SPOCK3: variants seen among roughly 807,000 people sequenced by gnomAD.
SPOCK3 encodes testican-3.
SPOCK3 carries 30 observed loss-of-function variants against 56.6 expected under a neutral mutation model. The observed-to-expected ratio is 0.53, with a 90% confidence interval of 0.40 to 0.72. The LOEUF (loss-of-function observed/expected upper bound fraction) is 0.72. Among genes scored for constraint, SPOCK3 ranks in the 30% least tolerant of loss-of-function variants. The pLI is 0.00. For missense variants in SPOCK3, 527 were observed against 530.0 expected, an observed-to-expected ratio of 0.99 and a Z score of 0.06; for synonymous variants, 196 against 183.3, an observed-to-expected ratio of 1.07 and a Z score of -0.56.
At chr4:167,046,849 G>T (rs1359890935) in intron 3 of SPOCK3, among the ~76,000 whole-genome samples, 1 of 152,108 alleles carries the variant, frequency 6.6e-6, no homozygotes, top group Admixed American at 6.6e-5. Flanking sequence ...TAAGAGGAAG[G>T]CTGATTATTA....
At chr4:167,143,415 C>T (rs1763689405) in intron 2 of SPOCK3, among the ~76,000 whole-genome samples, 1 of 151,878 alleles carries the variant, frequency 6.6e-6, no homozygotes, top group African/African-American at 2.4e-5. Flanking sequence ...TTTTTTATTA[C>T]AAATTAAATA....
intron 4 of SPOCK3, among the ~76,000 whole-genome samples, chr4:166,946,060 G>A (rs1741705018): frequency 6.6e-6 from 1 of 151,962 alleles, no homozygotes; most frequent in Admixed American, 6.6e-5. Context: ...TTATTTATTG[G>A]TTAGGACCAT....
chr4:167,063,721 A>G (rs1314297447), intron 2 of SPOCK3, among the ~76,000 whole-genome samples: 1 of 151,766 alleles, frequency 6.6e-6, no homozygotes, highest in Non-Finnish European at 1.5e-5. Flanking sequence ...TTCATACTCT[A>G]TGTCAATGTG....
intron 10 of SPOCK3, among the ~76,000 whole-genome samples, chr4:166,735,697 A>G (rs1456929429): frequency 2.0e-5 from 3 of 152,030 alleles, no homozygotes; most frequent in Non-Finnish European, 4.4e-5. Flanking sequence ...GAAAGAGTCC[A>G]TGAACCAAGG....
intron 3 of SPOCK3, among the ~76,000 whole-genome samples, chr4:167,010,821 G>A (rs1222256569): frequency 7.3e-6 from 1 of 137,164 alleles, no homozygotes; most frequent in African/African-American, 3.6e-5. Flanking sequence ...AATTTCCAGT[G>A]GGGGGGAGAT....
intron 4 of SPOCK3, among the ~76,000 whole-genome samples, chr4:166,914,756 C>T (rs868006391): frequency 1.3e-5 from 2 of 151,792 alleles, no homozygotes; most frequent in Admixed American, 1.3e-4. Context: ...AGCGAAACTC[C>T]GTCTCAAAAA....
chr4:167,066,943 A>T (rs1756203796), intron 2 of SPOCK3, among the ~76,000 whole-genome samples: 1 of 151,832 alleles, frequency 6.6e-6, no homozygotes, highest in South Asian at 2.1e-4. Context: ...CGGAAAGGTC[A>T]ACTGTTTGGT....
In SPOCK3 at chr4:166,796,475, G is replaced by A. The variant is rs114903083; in HGVS notation, c.590-4186C>T. Among the ~76,000 whole-genome samples the A allele has an allele frequency of 1.6e-3, 237 of 152,184 alleles. 2 individuals are homozygous for A. Among genetic ancestry groups the A allele is most frequent in the African/African-American group, 5.3e-3 (219 of 41,520 alleles). ...AATAGTATATTTAACAAGCTGTCTC[G>A]TATCTCTACTAGGCTTGATTCATAA... On this transcript the variant is annotated intron_variant, in intron 6 of 10. Coordinates refer to ENST00000357545, the MANE Select transcript of SPOCK3 (RefSeq NM_001040159.2).
At chr4:166,850,970 C>T (rs1332988584) in intron 6 of SPOCK3, among the ~76,000 whole-genome samples, 6 of 152,222 alleles carry the variant, frequency 3.9e-5, no homozygotes, top group Non-Finnish European at 7.3e-5. Flanking sequence ...CCCACAACAG[C>T]TTAAGGAGGC....
chr4:166,843,287 C>T (rs1014623367), intron 6 of SPOCK3, among the ~76,000 whole-genome samples: 14 of 152,330 alleles, frequency 9.2e-5, no homozygotes, highest in African/African-American at 2.2e-4. Flanking sequence ...GAGCGGACGC[C>T]GAGGCAGAGG....
At chr4:166,792,071 G>A (rs1250441776) in intron 7 of SPOCK3, 99 bp downstream of exon 7, 1 of 1,357,116 alleles carries the variant, frequency 7.4e-7, no homozygotes, top group African/African-American at 1.4e-5. Context: ...TATATATGCA[G>A]TGAATAAATA....
In SPOCK3 at chr4:167,090,580, C is replaced by T. The variant is rs148942840; in HGVS notation, c.190-28043G>A. ...TTGCAATGGCGAGATCTCGGCTCAC[C>T]ACAACCTCCGCCTCCCAGGTTCAAG... On this transcript the variant is annotated intron_variant, in intron 2 of 10. Transcript: ENST00000357545. Among the ~76,000 whole-genome samples the T allele has an allele frequency of 1.1e-3, 170 of 151,890 alleles. 3 individuals are homozygous for T. The East Asian group carries it at 0.026, about 23-fold the overall frequency.
At chr4:166,834,813 C>T (rs888085216) in intron 6 of SPOCK3, among the ~76,000 whole-genome samples, 1 of 152,038 alleles carries the variant, frequency 6.6e-6, no homozygotes, top group Non-Finnish European at 1.5e-5. Context: ...CTCTCTTTCT[C>T]CCCCATCTTT....
intron 7 of SPOCK3, among the ~76,000 whole-genome samples, chr4:166,768,756 C>G (rs1470892546): frequency 4.6e-5 from 7 of 152,176 alleles, no homozygotes; most frequent in Non-Finnish European, 5.9e-5. Context: ...TGGGGAAATT[C>G]TCCTGCATAA....
At chr4:167,071,287 A>G (rs1328428567) in intron 2 of SPOCK3, among the ~76,000 whole-genome samples, 2 of 152,104 alleles carry the variant, frequency 1.3e-5, no homozygotes, top group African/African-American at 4.8e-5. Flanking sequence ...CATGTGCACA[A>G]CGTGCAGGTT....
At chr4:166,779,968 T>C (rs1739981109) in intron 7 of SPOCK3, among the ~76,000 whole-genome samples, 1 of 152,032 alleles carries the variant, frequency 6.6e-6, no homozygotes, top group Non-Finnish European at 1.5e-5. Flanking sequence ...AAGAAAAAAA[T>C]AATTGAAAAC....
At chr4:166,863,347 G>A (rs959106454) in intron 6 of SPOCK3, among the ~76,000 whole-genome samples, 3 of 151,910 alleles carry the variant, frequency 2.0e-5, no homozygotes, top group Non-Finnish European at 2.9e-5. Context: ...AAAATACAAA[G>A]ACCAATGACA....
intron 7 of SPOCK3, among the ~76,000 whole-genome samples, chr4:166,780,486 A>G (rs1740042861): frequency 6.6e-6 from 1 of 152,050 alleles, no homozygotes; most frequent in Non-Finnish European, 1.5e-5. Context: ...AAAGGTATGA[A>G]CTCCCATCCA....
intron 4 of SPOCK3, among the ~76,000 whole-genome samples, chr4:166,923,531 G>A (rs1738737272): frequency 6.6e-6 from 1 of 152,226 alleles, no homozygotes; most frequent in Admixed American, 6.5e-5. Context: ...TTAATTCCAT[G>A]CATAAATTCA....
Sources: gnomAD v4.1 joint callset for allele counts (sites outside exome capture counted in the v4.1 genomes callset) on GRCh38, gnomAD v4.1.1 for gene constraint, MANE v1.5 for transcripts, NCBI Gene and HGNC (gene_info 2026-07-23, HGNC 2026-07-21) for gene names.